The following PREX1 variants were observed in gnomAD, a reference collection of about 807,000 sequenced individuals.
PREX1 encodes the protein phosphatidylinositol-3,4,5-trisphosphate dependent Rac exchange factor 1.
PREX1 carries 41 observed loss-of-function variants against 198.3 expected under a neutral mutation model. That is an observed-to-expected ratio of 0.21 (90% CI 0.16 to 0.27). PREX1 has a LOEUF of 0.27. PREX1 is among the 10% of genes least tolerant of loss of function. The pLI, the probability that PREX1 is intolerant of heterozygous loss-of-function variation, is 1.00. For synonymous variants in PREX1, 843 were observed against 887.2 expected, an observed-to-expected ratio of 0.95 and a Z score of 0.89; for missense variants, 1,620 against 2,200.7, an observed-to-expected ratio of 0.74 and a Z score of 5.28.
chr20:48,859,203 G>C, the PREX1 span, among the ~76,000 whole-genome samples: 3 of 152,130 alleles, frequency 2.0e-5, no homozygotes, highest in Non-Finnish European at 4.4e-5. Flanking sequence ...ACTTGGGCCA[G>C]TACTTTAGAA....
chr20:48,814,617 C>G (rs1430705639), intron 1 of PREX1, among the ~76,000 whole-genome samples: 5 of 152,164 alleles, frequency 3.3e-5, no homozygotes, highest in African/African-American at 9.7e-5. Flanking sequence ...GAGGTCTGCA[C>G]AGTGAGCTAA....
chr20:48,722,348 C>G (rs567967730), intron 5 of PREX1, among the ~76,000 whole-genome samples: 13 of 152,280 alleles, frequency 8.5e-5, no homozygotes, highest in African/African-American at 2.2e-4. Flanking sequence ...GTGAAGCCAG[C>G]CAGGCACGAA....
At position 48,700,866 on chromosome 20, in the gene PREX1, G is replaced by A. The variant is rs768973815; in HGVS notation, c.804C>T (p.Ile268=). The A allele has an allele frequency of 3.7e-6, 6 of 1,614,080 alleles. No individual in the cohort carries two copies. Among genetic ancestry groups the A allele is most frequent in the Non-Finnish European group, 4.2e-6 (5 of 1,180,038 alleles). Reference sequence around the variant, plus strand: ...TCCCTTGCAGGAGGAGCTGAGTGCAGATGTCTGTGAGGTTGGAACCCTGGA... The same window carrying A: ...TCCCTTGCAGGAGGAGCTGAGTGCAAATGTCTGTGAGGTTGGAACCCTGGA... ...EGWEGSNLTD[I]CTQLLLQGTL... The change falls in exon 7 of 40, where the codon ATC becomes ATT. Residue 268 remains isoleucine (I), a synonymous_variant. Transcript: ENST00000371941.
chr20:48,784,918 CT>C (rs11484382), intron 1 of PREX1, among the ~76,000 whole-genome samples: 132 of 146,756 alleles, frequency 9.0e-4, no homozygotes, highest in Admixed American at 8.8e-4. Flanking sequence ...TTCTTTCTCT[CT>C]TTTTTTTTTT....
chr20:48,849,546 A>G, the PREX1 span: 2 of 152,204 alleles, frequency 1.3e-5, no homozygotes, highest in Admixed American at 6.5e-5. Flanking sequence ...TGGCTGCTCC[A>G]TCAATATCTG....
chr20:48,659,595 C>T (rs547266819), intron 16 of PREX1, among the ~76,000 whole-genome samples: 14 of 151,940 alleles, frequency 9.2e-5, no homozygotes, highest in Admixed American at 7.9e-4. Flanking sequence ...GCAGGCCACG[C>T]GTTAAGATGG....
At chr20:48,716,225 C>T (rs2089961797) in intron 5 of PREX1, among the ~76,000 whole-genome samples, 1 of 152,170 alleles carries the variant, frequency 6.6e-6, no homozygotes, top group South Asian at 2.1e-4. Context: ...GAGTGGGGCC[C>T]CAAGCGAAGG....
At chr20:48,771,143 T>C (rs745659677) in intron 1 of PREX1, among the ~76,000 whole-genome samples, 12 of 152,054 alleles carry the variant, frequency 7.9e-5, no homozygotes, top group African/African-American at 1.7e-4. Context: ...CTGCAGTTTT[T>C]AGGCATGGCT....
At chr20:48,708,447 AG>A in intron 5 of PREX1, 26 bp from the exon 6 acceptor site, 1 of 1,611,916 alleles carries the variant, frequency 6.2e-7, no homozygotes, top group Non-Finnish European at 8.5e-7. Flanking sequence ...GGTGGGGAGA[AG>A]AAAGCAAGAC....
At chr20:48,724,596 G>C (rs995227496) in intron 5 of PREX1, among the ~76,000 whole-genome samples, 1 of 152,132 alleles carries the variant, frequency 6.6e-6, no homozygotes, top group African/African-American at 2.4e-5. Context: ...TATTCTTCTG[G>C]GGTTTTGCTT....
At chr20:48,871,774 G>T in the PREX1 span, among the ~76,000 whole-genome samples, 2 of 125,782 alleles carry the variant, frequency 1.6e-5, no homozygotes, top group South Asian at 2.8e-4. Context: ...AATTGTGCTT[G>T]GTAATCACAC....
intron 1 of PREX1, among the ~76,000 whole-genome samples, chr20:48,817,990 A>AG (rs542638578): frequency 5.9e-4 from 90 of 152,118 alleles, no homozygotes; most frequent in Non-Finnish European, 1.0e-3. Flanking sequence ...ACGCAAGCAA[A>AG]GGAAGAAATG....
At chr20:48,772,526 C>T (rs186583413) in intron 1 of PREX1, among the ~76,000 whole-genome samples, 57 of 152,362 alleles carry the variant, frequency 3.7e-4, no homozygotes, top group African/African-American at 1.3e-3. Flanking sequence ...CCACCAACCA[C>T]GGGACACAGA....
At chr20:48,858,369 C>T in the PREX1 span, among the ~76,000 whole-genome samples, 1 of 152,252 alleles carries the variant, frequency 6.6e-6, no homozygotes, top group South Asian at 2.1e-4. Flanking sequence ...CACACACAGG[C>T]AGATATTCTC....
At chr20:48,717,138 T>C (rs1003188205) in intron 5 of PREX1, among the ~76,000 whole-genome samples, 2 of 152,198 alleles carry the variant, frequency 1.3e-5, no homozygotes, top group African/African-American at 4.8e-5. Flanking sequence ...AAAGCTGCAA[T>C]TGTCACTGGA....
the PREX1 span, among the ~76,000 whole-genome samples, chr20:48,884,318 C>T: frequency 1.3e-5 from 2 of 152,020 alleles, no homozygotes; most frequent in African/African-American, 4.8e-5. Flanking sequence ...GACAGTGTGG[C>T]GTTGGCATAA....
At chr20:48,837,523 C>A in the PREX1 span, among the ~76,000 whole-genome samples, 2 of 152,166 alleles carry the variant, frequency 1.3e-5, no homozygotes, top group Non-Finnish European at 2.9e-5. Flanking sequence ...TTGGCAGGAA[C>A]GTGGACGGAG....
rs927131664 is a variant in PREX1 at position 48,636,368 on chromosome 20, G to A, written c.4167+95C>T. 3.1e-6 allele frequency: 4 copies of A among 1,274,944 alleles called. No homozygotes were observed. The African/African-American group carries it at 6.0e-5, about 19-fold the overall frequency. 79.0% of individuals were successfully genotyped at this position (1,274,944 alleles called of 1,614,324 possible). A position where few individuals can be genotyped will look rare whatever the true frequency, so the allele number is the denominator to read the frequency against. On this transcript the variant is annotated intron_variant, in intron 32 of 39. Coordinates refer to ENST00000371941, the MANE Select transcript of PREX1 (RefSeq NM_020820.4). ...GCTGCGGGAATGACGAGGCCAGGGG[G>A]AGCCTGAGTAAGTGGGCAAGGGCTC...
chr20:48,692,634 C>A (rs766375688), intron 8 of PREX1, 38 bp downstream of exon 8: 1 of 1,513,760 alleles, frequency 6.6e-7, no homozygotes, highest in Non-Finnish European at 9.0e-7. Context: ...GCAGGCAGGG[C>A]TCAGGCAGGG....
Sources: gnomAD v4.1 joint callset for allele counts (sites outside exome capture counted in the v4.1 genomes callset) on GRCh38, gnomAD v4.1.1 for gene constraint, MANE v1.5 for transcripts, NCBI Gene and HGNC (gene_info 2026-07-23, HGNC 2026-07-21) for gene names.